PEAK1: variants seen among roughly 807,000 people sequenced by gnomAD.
PEAK1 encodes the protein pseudopodium enriched atypical kinase 1, also known as inactive tyrosine-protein kinase PEAK1.
PEAK1 carries 54 observed loss-of-function variants against 124.7 expected under a neutral mutation model. The ratio of observed to expected loss-of-function variants is 0.43; its 90% CI spans 0.35 to 0.54. The LOEUF (loss-of-function observed/expected upper bound fraction) is 0.54, where lower values mean the gene tolerates loss of function less well. PEAK1 is among the 20% of genes least tolerant of loss of function. The pLI is 0.01. For synonymous variants in PEAK1, 719 were observed against 760.0 expected, an observed-to-expected ratio of 0.95 and a Z score of 0.89; for missense variants, 2,046 against 2,134.5, an observed-to-expected ratio of 0.96 and a Z score of 0.82.
chr15:77,224,551 C>T (rs532818072), intron 6 of PEAK1, among the ~76,000 whole-genome samples: 1 of 152,044 alleles, frequency 6.6e-6, no homozygotes, highest in Non-Finnish European at 1.5e-5. Flanking sequence ...TTAGAAAGGT[C>T]AATTAGTTCT....
chr15:77,303,158 C>T (rs1289605339), intron 2 of PEAK1, among the ~76,000 whole-genome samples: 1 of 152,166 alleles, frequency 6.6e-6, no homozygotes, highest in Non-Finnish European at 1.5e-5. Context: ...ATCCATTTAC[C>T]TACTGAAGGA....
intron 2 of PEAK1, among the ~76,000 whole-genome samples, chr15:77,298,322 C>T (rs561799982): frequency 2.0e-5 from 3 of 146,512 alleles, no homozygotes; most frequent in East Asian, 4.3e-4. Context: ...GGATTCATGC[C>T]ATTCTCCTGC....
At position 77,252,589 on chromosome 15, in the gene PEAK1, C is replaced by G. The variant is rs114507502; in HGVS notation, c.-274-63G>C. On this transcript the variant is annotated intron_variant, in intron 5 of 9. Coordinates refer to ENST00000682557, the MANE Select transcript of PEAK1 (RefSeq NM_001385026.1). ...ATATAATTTCAAATATATTGGACAT[C>G]TTTTCTTAGATATTCCTAATATCAC... is the stretch of plus-strand genomic sequence containing the variant. 1.1e-3 allele frequency: 965 copies of G among 861,154 alleles called. 7 individuals are homozygous for G. The African/African-American group carries it at 0.017, about 15-fold the overall frequency. 53.3% of individuals were successfully genotyped at this position (861,154 alleles called of 1,614,324 possible).
chr15:77,273,125 A>T (rs1224916619), intron 5 of PEAK1, among the ~76,000 whole-genome samples: 1 of 152,204 alleles, frequency 6.6e-6, no homozygotes, highest in African/African-American at 2.4e-5. Flanking sequence ...TTAAGGTAAT[A>T]AAAGCCATCT....
At chr15:77,332,409 C>G in intron 2 of PEAK1, 1 of 293,708 alleles carries the variant, frequency 3.4e-6, no homozygotes, top group Non-Finnish European at 5.0e-6. Context: ...ATCATCCTGG[C>G]TAACACGGTG....
chr15:77,411,328 C>T (rs192062953), intron 1 of PEAK1, among the ~76,000 whole-genome samples: 48 of 152,276 alleles, frequency 3.2e-4, no homozygotes, highest in Non-Finnish European at 5.9e-4. Context: ...AGAAACACTC[C>T]TCATCAGTTC....
intron 8 of PEAK1, among the ~76,000 whole-genome samples, chr15:77,138,384 G>A (rs1448062671): frequency 1.3e-5 from 2 of 152,066 alleles, no homozygotes; most frequent in Non-Finnish European, 2.9e-5. Flanking sequence ...CACTCCTGTA[G>A]ACTTTATATA....
At chr15:77,270,981 G>A (rs1483892291) in intron 5 of PEAK1, among the ~76,000 whole-genome samples, 6 of 152,128 alleles carry the variant, frequency 3.9e-5, no homozygotes, top group Non-Finnish European at 7.4e-5. Flanking sequence ...ACTACCATCA[G>A]AGTGAACAGG....
intron 9 of PEAK1, among the ~76,000 whole-genome samples, chr15:77,121,316 G>A (rs2051896694): frequency 6.6e-6 from 1 of 152,102 alleles, no homozygotes; most frequent in Non-Finnish European, 1.5e-5. Flanking sequence ...CGTAGTACTT[G>A]CTCCATATGT....
At chr15:77,299,001 G>T (rs1246057480) in intron 2 of PEAK1, among the ~76,000 whole-genome samples, 1 of 152,154 alleles carries the variant, frequency 6.6e-6, no homozygotes. Flanking sequence ...ATCCCTGTGA[G>T]ACCCAGCTGG....
intron 2 of PEAK1, among the ~76,000 whole-genome samples, chr15:77,323,963 C>T (rs1263924799): frequency 6.6e-6 from 1 of 152,022 alleles, no homozygotes; most frequent in Non-Finnish European, 1.5e-5. Flanking sequence ...AGAACAGAGC[C>T]CTCAGAAATA....
chr15:77,136,678 T>TAAATAA (rs1375921592), intron 8 of PEAK1, among the ~76,000 whole-genome samples: 1 of 151,576 alleles, frequency 6.6e-6, no homozygotes, highest in Non-Finnish European at 1.5e-5. Flanking sequence ...AAAAAATAAA[T>TAAATAA]AAATAAAAAT....
At chr15:77,237,708 A>G (rs2060185880) in intron 6 of PEAK1, among the ~76,000 whole-genome samples, 1 of 152,092 alleles carries the variant, frequency 6.6e-6, no homozygotes, top group African/African-American at 2.4e-5. Context: ...CTTGGTTTTT[A>G]TCACATTAAA....
At chr15:77,255,122 C>A (rs2061066186) in intron 5 of PEAK1, among the ~76,000 whole-genome samples, 2 of 152,012 alleles carry the variant, frequency 1.3e-5, no homozygotes, top group Non-Finnish European at 2.9e-5. Flanking sequence ...GAAGGAGTAC[C>A]TAATGCTCCT....
intron 8 of PEAK1, among the ~76,000 whole-genome samples, chr15:77,151,679 A>G (rs1239946138): frequency 1.3e-5 from 2 of 152,098 alleles, no homozygotes; most frequent in Non-Finnish European, 2.9e-5. Context: ...TCTTGAATTA[A>G]TTTTTGTATA....
Position 77,181,355 on chromosome 15 carries a change from T to C in PEAK1, c.572A>G (p.Lys191Arg). The stretch of plus-strand genomic sequence containing the variant: ...ACCTATCATGCAACTTGGTGGAAGC[T>C]TTCTTTCCAATGATCGTTTATAGCA... ...NDCYKRSLER[K>R]LPPSCMIGGI... The change falls in exon 7 of 10, where the codon AAG (lysine) becomes AGG (arginine). Residue 191 changes from lysine (K) to arginine (R), a missense_variant. By Grantham distance (26) the Lys-to-Arg change is conservative (BLOSUM62 2). Coordinates refer to ENST00000682557, the MANE Select transcript of PEAK1 (RefSeq NM_001385026.1). 6.2e-7 allele frequency: 1 copy of C among 1,614,180 alleles called. No individual in the cohort carries two copies. The highest frequency in any genetic ancestry group is 8.5e-7 in the Non-Finnish European group (1 of 1,180,028).
At chr15:77,161,987 TAA>T (rs2055692777) in intron 7 of PEAK1, among the ~76,000 whole-genome samples, 3 of 109,128 alleles carry the variant, frequency 2.7e-5, no homozygotes, top group African/African-American at 9.9e-5. Context: ...AAAAAAAAGA[TAA>T]AAGAGAGACA....
Position 77,181,891 on chromosome 15 carries a change from C to T in PEAK1, c.36G>A (p.Trp12Ter), listed in dbSNP as rs1158913203. ...SACNTFTEHV[W>*]KPGECKNCFK... ...AGCAATTCTTGCATTCACCAGGTTT[C>T]CAAACATGTTCAGTAAAGGTGTTAC... The change falls in exon 7 of 10, where the codon TGG becomes TGA. Residue 12 changes from tryptophan (W) to a stop codon, truncating the protein, a stop_gained. Coordinates refer to ENST00000682557, the MANE Select transcript of PEAK1 (RefSeq NM_001385026.1). LOFTEE classifies it high-confidence loss of function. The T allele has an allele frequency of 6.3e-7, 1 of 1,595,978 alleles. No individual in the cohort carries two copies. Among genetic ancestry groups the T allele is most frequent in the East Asian group, 2.2e-5 (1 of 44,586 alleles).
At chr15:77,226,089 T>A (rs925794358) in intron 6 of PEAK1, among the ~76,000 whole-genome samples, 33 of 97,614 alleles carry the variant, frequency 3.4e-4, no homozygotes, top group East Asian at 1.1e-3. Flanking sequence ...ATATATATAT[T>A]ACACACACAT....
Sources: gnomAD v4.1 joint callset for allele counts (sites outside exome capture counted in the v4.1 genomes callset) on GRCh38, gnomAD v4.1.1 for gene constraint, MANE v1.5 for transcripts, NCBI Gene and HGNC (gene_info 2026-07-23, HGNC 2026-07-21) for gene names.